NFATC1: variants seen among roughly 807,000 people sequenced by gnomAD.
NFATC1 encodes the protein nuclear factor of activated T cells 1.
A neutral mutation model predicts 76.0 loss-of-function variants in NFATC1; 22 were observed. That is an observed-to-expected ratio of 0.29 (90% CI 0.21 to 0.41). NFATC1 has a LOEUF of 0.41. Ranked by LOEUF, NFATC1 falls within the 10% of genes least tolerant of loss-of-function variation. NFATC1 has a pLI of 1.00. For missense variants in NFATC1, 1,357 were observed against 1,337.7 expected (o/e 1.01, Z -0.23); for synonymous variants, 704 against 613.1 (o/e 1.15, Z -2.19).
intron 4 of NFATC1, 87 bp from the exon 5 acceptor site, chr18:79,450,867 A>G (rs1600750710): frequency 6.7e-7 from 1 of 1,497,502 alleles, no homozygotes. Flanking sequence ...TGGGGCTGGG[A>G]TGAGGGCCAG....
At chr18:79,485,678 C>A (rs2089471903) in intron 8 of NFATC1, among the ~76,000 whole-genome samples, 1 of 152,238 alleles carries the variant, frequency 6.6e-6, no homozygotes, top group African/African-American at 2.4e-5. Flanking sequence ...GCTGCCCGGT[C>A]ACAGCCTCCA....
chr18:79,447,284 G>C (rs1274839584), intron 3 of NFATC1, among the ~76,000 whole-genome samples: 1 of 152,230 alleles, frequency 6.6e-6, no homozygotes, highest in Non-Finnish European at 1.5e-5. Flanking sequence ...CCTGGCCCGG[G>C]CTCCCCCGCC....
In NFATC1 at chr18:79,410,950, G is replaced by T. The variant is rs1247587510; in HGVS notation, c.675G>T (p.Leu225=). The change falls in exon 2 of 10, where the codon CTG becomes CTT. Residue 225 remains leucine (L), a synonymous_variant. Transcript: ENST00000427363. The surrounding 1 kb of genome is among the most constrained non-coding windows in gnomAD (Gnocchi z 6.7). ...TDPEEGFPRG[L]GACTLLGSPR... is the part of the protein sequence containing the mutation. ...CCGAGGAGGGCTTTCCCCGCGGGCT[G>T]GGGGCCTGCACACTGCTGGGTTCCC... The T allele has an allele frequency of 1.1e-5, 18 of 1,601,736 alleles. 1 individual carries two copies. The highest frequency in any genetic ancestry group is 1.5e-5 in the Non-Finnish European group (18 of 1,174,992).
rs998029210 is a variant in NFATC1 at position 79,465,600 on chromosome 18, C to T, written c.1960-1850C>T. On this transcript the variant is annotated intron_variant, in intron 7 of 9. Coordinates refer to ENST00000427363, the MANE Select transcript of NFATC1 (RefSeq NM_001278669.2). The surrounding 1 kb of genome is among the most constrained non-coding windows in gnomAD (Gnocchi z 4.2). Reference sequence around the variant, plus strand: ...GGGGTCCCCGCCTCCCCACTCCTCGCTGCTGCCTGTGAGTGCCTCCCGGCC... The same window carrying T: ...GGGGTCCCCGCCTCCCCACTCCTCGTTGCTGCCTGTGAGTGCCTCCCGGCC... 6.6e-6 allele frequency among the ~76,000 whole-genome samples: 1 copy of T among 152,246 alleles called. No homozygotes were observed. Among genetic ancestry groups the T allele is most frequent in the South Asian group, 2.1e-4 (1 of 4,830 alleles).
chr18:79,425,468 G>A (rs892607842), intron 2 of NFATC1, among the ~76,000 whole-genome samples: 3 of 152,176 alleles, frequency 2.0e-5, no homozygotes, highest in Non-Finnish European at 4.4e-5. Context: ...AGAGTCTGTC[G>A]CTTCGTCTGT....
intron 8 of NFATC1, among the ~76,000 whole-genome samples, chr18:79,484,103 T>G (rs1600884357): frequency 6.6e-6 from 1 of 150,762 alleles, no homozygotes; most frequent in South Asian, 2.1e-4. Context: ...ACTTGCAGGG[T>G]GGGGTGGCTG....
intron 8 of NFATC1, among the ~76,000 whole-genome samples, chr18:79,475,929 C>T (rs1310441600): frequency 1.3e-5 from 2 of 152,186 alleles, no homozygotes; most frequent in African/African-American, 2.4e-5. Context: ...ATTAGGGAAC[C>T]AGCGTCAGGA....
chr18:79,417,004 G>A lies in NFATC1; in HGVS notation c.1226+5503G>A, dbSNP rs537464323. Among the ~76,000 whole-genome samples, 19 of 152,328 alleles carry A rather than the reference G, an allele frequency of 1.2e-4. No individual in the cohort carries two copies. The South Asian group carries it at 3.1e-3, about 25-fold the overall frequency. On this transcript the variant is annotated intron_variant, in intron 2 of 9. Transcript: ENST00000427363. Reference sequence around the variant, plus strand: ...GTGGCTGTGTGCCTCCCTGGCATTCGCGGTGGTGGCTCTGGAGCTTGCGTT... The same window carrying A: ...GTGGCTGTGTGCCTCCCTGGCATTCACGGTGGTGGCTCTGGAGCTTGCGTT...
intron 8 of NFATC1, among the ~76,000 whole-genome samples, chr18:79,475,627 G>T (rs558149112): frequency 6.6e-6 from 1 of 152,242 alleles, no homozygotes; most frequent in Admixed American, 6.5e-5. Context: ...TGAGGGAAGC[G>T]TGTTCTCACG....
rs1463299910 is a variant in NFATC1 at position 79,410,760 on chromosome 18, T to A, written c.485T>A (p.Leu162Gln). The A allele has an allele frequency of 6.2e-7, 1 of 1,612,848 alleles. No homozygotes were observed. Among genetic ancestry groups the A allele is most frequent in the Admixed American group, 1.7e-5 (1 of 59,996 alleles). Residue 162 changes from leucine (L) to glutamine (Q), a missense_variant, in exon 2 of 10, where the codon CTG (leucine) becomes CAG (glutamine). Transcript: ENST00000427363. The surrounding 1 kb of genome is among the most constrained non-coding windows in gnomAD (Gnocchi z 6.7). Reference sequence around the variant, plus strand: ...ACGGCCACGCTGAGTCTGCCCAGCCTGGAGGCCTACAGAGACCCCTCGTGC... The same window carrying A: ...ACGGCCACGCTGAGTCTGCCCAGCCAGGAGGCCTACAGAGACCCCTCGTGC... Reference protein sequence around the residue: ...PSTATLSLPSLEAYRDPSCLS... With the variant: ...PSTATLSLPSQEAYRDPSCLS...
intron 8 of NFATC1, among the ~76,000 whole-genome samples, chr18:79,478,008 G>A (rs1001491566): frequency 6.6e-6 from 1 of 152,110 alleles, no homozygotes; most frequent in African/African-American, 2.4e-5. Flanking sequence ...GAGGTTGAGG[G>A]GACACGAGTC....
intron 9 of NFATC1, among the ~76,000 whole-genome samples, chr18:79,490,755 C>T (rs2089654857): frequency 6.6e-6 from 1 of 152,136 alleles, no homozygotes; most frequent in South Asian, 2.1e-4. Flanking sequence ...GGAGCATCCA[C>T]CAACATGGCC....
chr18:79,415,159 G>C (rs528224837), intron 2 of NFATC1, among the ~76,000 whole-genome samples: 1 of 152,276 alleles, frequency 6.6e-6, no homozygotes, highest in African/African-American at 2.4e-5. Context: ...TCCGCACCCA[G>C]ACAGTCTCTG....
rs552895329 is a variant in NFATC1 at position 79,472,059 on chromosome 18, G to A, written c.2092+4477G>A. ...AAATCCAGCAATAACTGTGGCATCG[G>A]AGAGGTGTTGGTACAGAGGGAGCCG... is the stretch of plus-strand genomic sequence containing the variant. On this transcript the variant is annotated intron_variant, in intron 8 of 9. Coordinates refer to ENST00000427363, the MANE Select transcript of NFATC1 (RefSeq NM_001278669.2). 1.3e-4 allele frequency among the ~76,000 whole-genome samples: 20 copies of A among 152,298 alleles called. No individual in the cohort carries two copies. The South Asian group carries it at 3.9e-3, about 30-fold the overall frequency.
chr18:79,504,074 C>G (rs1056951008), intron 9 of NFATC1, among the ~76,000 whole-genome samples: 1 of 152,144 alleles, frequency 6.6e-6, no homozygotes, highest in South Asian at 2.1e-4. Context: ...CCAGATCACT[C>G]GGACTTTCTC....
chr18:79,498,735 G>C (rs2089953026), intron 9 of NFATC1, among the ~76,000 whole-genome samples: 1 of 152,246 alleles, frequency 6.6e-6, no homozygotes, highest in African/African-American at 2.4e-5. Flanking sequence ...CCAAACTGTT[G>C]AAAGTCAAAG....
intron 6 of NFATC1, among the ~76,000 whole-genome samples, chr18:79,457,917 G>T (rs1412208945): frequency 6.6e-6 from 1 of 152,222 alleles, no homozygotes; most frequent in Non-Finnish European, 1.5e-5. Context: ...GTTGGCACAG[G>T]TCGGGACGTG....
chr18:79,443,334 C>T (rs906826937), intron 3 of NFATC1, among the ~76,000 whole-genome samples: 3 of 152,206 alleles, frequency 2.0e-5, no homozygotes, highest in South Asian at 2.1e-4. Context: ...CCACACACAC[C>T]GCCCTGAGAG....
At chr18:79,434,006 G>T (rs1263361213) in intron 3 of NFATC1, among the ~76,000 whole-genome samples, 2 of 152,242 alleles carry the variant, frequency 1.3e-5, no homozygotes, top group African/African-American at 4.8e-5. Flanking sequence ...CTGTGGTGTG[G>T]ATGTTTTGGG....
Sources: allele counts gnomAD v4.1 joint callset (sites outside exome capture counted in the v4.1 genomes callset), GRCh38; gene constraint gnomAD v4.1.1; non-coding constraint Gnocchi (gnomAD v3.1); transcripts MANE v1.5; gene names NCBI Gene and HGNC (gene_info 2026-07-23, HGNC 2026-07-21).